GPR137B: variants seen among roughly 807,000 people sequenced by gnomAD.
GPR137B encodes the protein integral membrane protein GPR137B.
In GPR137B, 42 loss-of-function variants were observed where a neutral mutation model predicts 42.5. The ratio of observed to expected loss-of-function variants is 0.99; its 90% CI spans 0.77 to 1.28. GPR137B has a LOEUF of 1.28. GPR137B is among the 50% of genes most tolerant of loss of function. The pLI is 0.00. For synonymous variants in GPR137B, 218 were observed against 209.7 expected (o/e 1.04, Z -0.34); for missense variants, 487 against 493.9 (o/e 0.99, Z 0.13).
intron 2 of GPR137B, among the ~76,000 whole-genome samples, chr1:236,173,814 ACT>A (rs1334952205): frequency 7.3e-5 from 11 of 150,954 alleles, no homozygotes; most frequent in Non-Finnish European, 1.6e-4. Flanking sequence ...TCCTTTGAAA[ACT>A]CTCTCGCCAC....
chr1:236,201,030 G>A (rs1243005008), intron 5 of GPR137B, among the ~76,000 whole-genome samples: 2 of 151,934 alleles, frequency 1.3e-5, no homozygotes, highest in African/African-American at 4.8e-5. Context: ...TGGCTTGGTA[G>A]TGGCAAATTC....
intron 1 of GPR137B, among the ~76,000 whole-genome samples, chr1:236,145,517 C>G (rs1297974454): frequency 1.3e-5 from 2 of 152,142 alleles, no homozygotes; most frequent in Non-Finnish European, 1.5e-5. Context: ...TGCCACTATG[C>G]CCAGCTAAGT....
chr1:236,154,836 C>G (rs757834047), intron 1 of GPR137B, among the ~76,000 whole-genome samples: 1 of 152,180 alleles, frequency 6.6e-6, no homozygotes, highest in African/African-American at 2.4e-5. Flanking sequence ...GCACGTGGCC[C>G]GGGACCCTCC....
At chr1:236,205,036 C>CTTT in intron 5 of GPR137B, 90 bp from the exon 6 acceptor site, 8 of 1,025,830 alleles carry the variant, frequency 7.8e-6, no homozygotes, top group Non-Finnish European at 1.2e-5. Context: ...AATAGAACAT[C>CTTT]TTTAGTCTCC....
chr1:236,181,391 G>A (rs554956785), intron 4 of GPR137B, among the ~76,000 whole-genome samples: 7 of 151,684 alleles, frequency 4.6e-5, no homozygotes, highest in African/African-American at 1.5e-4. Context: ...ATACAAAACC[G>A]AACAGACTCA....
chr1:236,179,853 C>T (rs754795832), intron 3 of GPR137B, 26 bp from the exon 4 acceptor site: 13 of 1,550,314 alleles, frequency 8.4e-6, no homozygotes, highest in Non-Finnish European at 1.1e-5. Flanking sequence ...TGGAGTGTCC[C>T]ATACCTTCTG....
chr1:236,202,254 C>T (rs903489106), intron 5 of GPR137B, among the ~76,000 whole-genome samples: 1 of 152,056 alleles, frequency 6.6e-6, no homozygotes, highest in Admixed American at 6.5e-5. Flanking sequence ...CCACCATGGA[C>T]AGACTCAGGA....
At chr1:236,172,551 T>C (rs1180293825) in intron 2 of GPR137B, among the ~76,000 whole-genome samples, 1 of 152,238 alleles carries the variant, frequency 6.6e-6, no homozygotes, top group Admixed American at 6.5e-5. Context: ...GGCTTTCTCT[T>C]TCTCAGTCTA....
intron 2 of GPR137B, among the ~76,000 whole-genome samples, chr1:236,169,312 T>A (rs1022834229): frequency 2.0e-5 from 3 of 152,152 alleles, no homozygotes; most frequent in African/African-American, 7.2e-5. Flanking sequence ...CCGCCTTGTC[T>A]CAGCTGCTGG....
chr1:236,168,565 A>C, intron 1 of GPR137B, 141 bp from the exon 2 acceptor site: 1 of 664,560 alleles, frequency 1.5e-6, no homozygotes, highest in South Asian at 1.7e-5. Context: ...AATGTTTGGC[A>C]TAACAAACGT....
At chr1:236,179,602 A>G (rs1662806663) in intron 3 of GPR137B, among the ~76,000 whole-genome samples, 1 of 152,222 alleles carries the variant, frequency 6.6e-6, no homozygotes, top group South Asian at 2.1e-4. Context: ...CAAAGCAGCC[A>G]TCTGACTTTC....
rs1313032068 is a variant in GPR137B at position 236,155,944 on chromosome 1, CACACACAT to C, written c.415-12756_415-12749del. 1.3e-5 allele frequency among the ~76,000 whole-genome samples: 2 copies of C among 152,330 alleles called. No homozygotes were observed. The highest frequency in any genetic ancestry group is 2.1e-4 in the South Asian group (1 of 4,832). On this transcript the variant is annotated intron_variant, in intron 1 of 6. Coordinates refer to ENST00000366592, the MANE Select transcript of GPR137B (RefSeq NM_003272.4). This position sits in a 1 kb window ranked among gnomAD's most constrained non-coding sequence, Gnocchi z 4.6. The stretch of plus-strand genomic sequence containing the variant: ...TGTGGGGTGCACATGCACAAACATG[CACACACAT>C]ACACAAACGCACACACATGCACACA...
rs923080332 is a variant in GPR137B, at chr1:236,156,057, G to A, written c.415-12649G>A. Among the ~76,000 whole-genome samples the A allele has an allele frequency of 6.6e-6, 1 of 152,198 alleles. No individual in the cohort carries two copies. The highest frequency in any genetic ancestry group is 1.5e-5 in the Non-Finnish European group (1 of 68,028). On this transcript the variant is annotated intron_variant, in intron 1 of 6. Coordinates refer to ENST00000366592, the MANE Select transcript of GPR137B (RefSeq NM_003272.4). The surrounding 1 kb of genome is among the most constrained non-coding windows in gnomAD (Gnocchi z 4.8). ...GGTGAGCCAAACAGGACCATGCAGC[G>A]GAGCTCTCAGGAGGGCTGGAGAAGG...
At chr1:236,206,928 G>A (rs1386153398) in intron 6 of GPR137B, among the ~76,000 whole-genome samples, 1 of 152,160 alleles carries the variant, frequency 6.6e-6, no homozygotes, top group East Asian at 1.9e-4. Context: ...CCTGTTCCTG[G>A]GAAAGGGGAG....
intron 4 of GPR137B, among the ~76,000 whole-genome samples, chr1:236,182,240 C>A (rs1030017084): frequency 4.6e-5 from 7 of 152,120 alleles, no homozygotes; most frequent in African/African-American, 1.2e-4. Context: ...TAAGTACACT[C>A]AGTGTTGTGC....
chr1:236,190,338 GT>G (rs911270507), intron 5 of GPR137B, among the ~76,000 whole-genome samples: 2 of 152,060 alleles, frequency 1.3e-5, no homozygotes, highest in African/African-American at 4.8e-5. Flanking sequence ...TACATTTAAG[GT>G]TAATATTGTT....
chr1:236,200,818 G>C (rs1364129685), intron 5 of GPR137B, among the ~76,000 whole-genome samples: 1 of 151,898 alleles, frequency 6.6e-6, no homozygotes, highest in Non-Finnish European at 1.5e-5. Flanking sequence ...TCTTTTAAAT[G>C]GAGCATTTAG....
intron 4 of GPR137B, among the ~76,000 whole-genome samples, chr1:236,182,733 T>TCAAACAAA (rs3082532): frequency 2.7e-5 from 4 of 150,338 alleles, no homozygotes; most frequent in Admixed American, 6.7e-5. Context: ...AGACCCTGTC[T>TCAAACAAA]CAAACAAACA....
At chr1:236,153,715 C>T (rs1244089597) in intron 1 of GPR137B, among the ~76,000 whole-genome samples, 1 of 152,186 alleles carries the variant, frequency 6.6e-6, no homozygotes, top group East Asian at 1.9e-4. Context: ...AGTGGCTGTC[C>T]TTACAGTAGA....
Sources: allele counts gnomAD v4.1 joint callset (sites outside exome capture counted in the v4.1 genomes callset), GRCh38; gene constraint gnomAD v4.1.1; non-coding constraint Gnocchi (gnomAD v3.1); transcripts MANE v1.5; gene names NCBI Gene and HGNC (gene_info 2026-07-23, HGNC 2026-07-21).